The following CAMTA1 variants were observed in gnomAD, a reference collection of about 807,000 sequenced individuals.
The protein encoded by CAMTA1 is calmodulin binding transcription activator 1.
CAMTA1 carries 27 observed loss-of-function variants against 170.9 expected under a neutral mutation model. The ratio of observed to expected loss-of-function variants is 0.16; its 90% CI spans 0.12 to 0.22. The LOEUF (loss-of-function observed/expected upper bound fraction) is 0.22, where lower values mean the gene tolerates loss of function less well. CAMTA1 is among the 10% of genes least tolerant of loss of function. The pLI is 1.00. For synonymous variants in CAMTA1, 833 were observed against 891.5 expected, an observed-to-expected ratio of 0.93 and a Z score of 1.17; for missense variants, 1,619 against 2,217.2, an observed-to-expected ratio of 0.73 and a Z score of 5.42.
At chr1:6,998,223 GC>G (rs1204991142) in intron 3 of CAMTA1, among the ~76,000 whole-genome samples, 4 of 152,106 alleles carry the variant, frequency 2.6e-5, no homozygotes, top group African/African-American at 7.2e-5. Flanking sequence ...GACTACAGGT[GC>G]GTGCCGCCAC....
intron 5 of CAMTA1, among the ~76,000 whole-genome samples, chr1:7,265,247 A>G (rs1481232520): frequency 6.6e-6 from 1 of 152,106 alleles, no homozygotes; most frequent in African/African-American, 2.4e-5. Context: ...TGAGTGTGAG[A>G]CCCACACAGC....
intron 4 of CAMTA1, among the ~76,000 whole-genome samples, chr1:7,153,173 G>C (rs1193415506): frequency 1.3e-5 from 2 of 152,148 alleles, no homozygotes; most frequent in Non-Finnish European, 2.9e-5. Context: ...GTCTCTTGCA[G>C]TGTTTGGAAT....
intron 4 of CAMTA1, among the ~76,000 whole-genome samples, chr1:7,210,598 A>G (rs1437140804): frequency 6.6e-6 from 1 of 152,188 alleles, no homozygotes; most frequent in African/African-American, 2.4e-5. Flanking sequence ...CTTGTATTTC[A>G]TTAAACTTTT....
chr1:7,342,532 C>A (rs2149819801), intron 5 of CAMTA1, among the ~76,000 whole-genome samples: 1 of 152,220 alleles, frequency 6.6e-6, no homozygotes, highest in Middle Eastern at 3.4e-3. Flanking sequence ...TGGGAAGAAA[C>A]CACCCCCATC....
At chr1:6,819,550 C>T (rs1646252335) in intron 1 of CAMTA1, among the ~76,000 whole-genome samples, 2 of 152,194 alleles carry the variant, frequency 1.3e-5, no homozygotes, top group African/African-American at 4.8e-5. Flanking sequence ...ATGAATATGA[C>T]ATTGGTTCTT....
At chr1:6,910,880 G>C (rs1679543885) in intron 3 of CAMTA1, among the ~76,000 whole-genome samples, 1 of 152,222 alleles carries the variant, frequency 6.6e-6, no homozygotes, top group Admixed American at 6.5e-5. Context: ...AGAACCTTCT[G>C]CTGGGGGTGC....
intron 6 of CAMTA1, among the ~76,000 whole-genome samples, chr1:7,509,921 C>T (rs1489795145): frequency 6.6e-6 from 1 of 151,516 alleles, no homozygotes; most frequent in Admixed American, 6.6e-5. Context: ...TTTTAGCAGC[C>T]CAGCGACCAA....
At chr1:6,982,219 G>C (rs75649302) in intron 3 of CAMTA1, among the ~76,000 whole-genome samples, 21,368 of 152,200 alleles carry the variant, frequency 0.14, 1,621 homozygotes, top group Non-Finnish European at 0.18. Flanking sequence ...CTCCCTGAGT[G>C]TTCTCTGGTA....
At chr1:6,808,837 T>G (rs1393395144) in intron 1 of CAMTA1, among the ~76,000 whole-genome samples, 1 of 152,060 alleles carries the variant, frequency 6.6e-6, no homozygotes, top group African/African-American at 2.4e-5. Context: ...CTCGCATGGC[T>G]GAGGAGTGTG....
chr1:6,807,214 G>A (rs1644618910), intron 1 of CAMTA1: 1 of 448,690 alleles, frequency 2.2e-6, no homozygotes, highest in African/African-American at 2.0e-5. Context: ...CAGGTAATTG[G>A]GTGAGTTTGT....
Position 7,580,682 on chromosome 1 carries a change from T to C in CAMTA1, c.511-59718T>C, listed in dbSNP as rs1388387151. The stretch of plus-strand genomic sequence containing the variant: ...GGGCACCTGGCCCCGAGGCTGGCTG[T>C]GCCCAGCACTGTGCAAAATCCCTCC... On this transcript the variant is annotated intron_variant, in intron 6 of 22. Transcript: ENST00000303635. This position sits in a 1 kb window ranked among gnomAD's most constrained non-coding sequence, Gnocchi z 4.3. Among the ~76,000 whole-genome samples, 1 of 152,164 alleles carries C rather than the reference T, an allele frequency of 6.6e-6. No individual in the cohort carries two copies. The highest frequency in any genetic ancestry group is 2.4e-5 in the African/African-American group (1 of 41,434).
intron 11 of CAMTA1, among the ~76,000 whole-genome samples, chr1:7,684,489 C>T (rs982135141): frequency 5.3e-5 from 8 of 152,166 alleles, no homozygotes; most frequent in East Asian, 1.9e-4. Context: ...CCACCAAAGG[C>T]GCTAGGGAGG....
intron 5 of CAMTA1, among the ~76,000 whole-genome samples, chr1:7,330,958 A>G (rs913844074): frequency 5.3e-5 from 8 of 152,116 alleles, no homozygotes; most frequent in African/African-American, 1.9e-4. Context: ...TCATGGGGTT[A>G]GAGTCGGGTA....
chr1:7,625,413 C>A (rs76090389), intron 6 of CAMTA1, among the ~76,000 whole-genome samples: 9 of 152,214 alleles, frequency 5.9e-5, no homozygotes, highest in African/African-American at 2.2e-4. Context: ...CTGATTCTGC[C>A]CCCATCGGGC....
At chr1:7,672,529 C>T (rs1447558570) in intron 10 of CAMTA1, among the ~76,000 whole-genome samples, 2 of 152,150 alleles carry the variant, frequency 1.3e-5, no homozygotes, top group African/African-American at 4.8e-5. Flanking sequence ...TCAAGTGATT[C>T]TCTTGCCTCA....
chr1:7,645,572 A>G (rs1444777222), intron 7 of CAMTA1, among the ~76,000 whole-genome samples: 3 of 152,240 alleles, frequency 2.0e-5, no homozygotes, highest in Admixed American at 2.0e-4. Flanking sequence ...GGCTGGCCAG[A>G]TGGCCCTGCA....
intron 7 of CAMTA1, among the ~76,000 whole-genome samples, chr1:7,653,370 C>T (rs1284858676): frequency 1.3e-5 from 2 of 152,178 alleles, no homozygotes; most frequent in African/African-American, 4.8e-5. Flanking sequence ...TCAGGTGATC[C>T]TCCTGCCTCC....
rs57489369 is a variant in CAMTA1, at chr1:7,281,799, TTGTGTGTGTGTGTGTGTG to T, written c.438+32201_438+32218del. Among the ~76,000 whole-genome samples, 6 of 139,308 alleles carry T rather than the reference TTGTGTGTGTGTGTGTGTG, an allele frequency of 4.3e-5. No individual in the cohort carries two copies. The East Asian group carries it at 6.4e-4, about 15-fold the overall frequency. The allele number at this position is 139,308 out of a possible 152,430, so 91.4% of individuals were successfully genotyped here. A position where few individuals can be genotyped will look rare whatever the true frequency, so the allele number is the denominator to read the frequency against. On this transcript the variant is annotated intron_variant, in intron 5 of 22. Coordinates refer to ENST00000303635, the MANE Select transcript of CAMTA1 (RefSeq NM_015215.4). ...TGTTGTTTATGGAAGGGGAAAGAAA[TTGTGTGTGTGTGTGTGTG>T]TGTGTGTGTGTGTGTGTGTGTGTGT...
intron 4 of CAMTA1, among the ~76,000 whole-genome samples, chr1:7,231,446 C>T (rs1662815914): frequency 6.6e-6 from 1 of 152,116 alleles, no homozygotes; most frequent in Non-Finnish European, 1.5e-5. Context: ...CGTCTCGGCT[C>T]ACTGCAACCT....
Sources: gnomAD v4.1 joint callset for allele counts (sites outside exome capture counted in the v4.1 genomes callset) on GRCh38, gnomAD v4.1.1 for gene constraint, Gnocchi (gnomAD v3.1) non-coding constraint, MANE v1.5 for transcripts, NCBI Gene and HGNC (gene_info 2026-07-23, HGNC 2026-07-21) for gene names.